The following RNASEH2B variants were observed in gnomAD, a reference collection of about 807,000 sequenced individuals.
The protein encoded by RNASEH2B is ribonuclease H2 subunit B, also known as Aicardi-Goutieres syndrome 2 protein.
Under a neutral mutation model 45.0 loss-of-function variants are expected in RNASEH2B, and 36 were observed. That is an observed-to-expected ratio of 0.80 (90% CI 0.61 to 1.06). The LOEUF (loss-of-function observed/expected upper bound fraction) is 1.06, where lower values mean the gene tolerates loss of function less well. RNASEH2B is among the 50% of genes least tolerant of loss of function. The pLI is 0.00. For synonymous variants in RNASEH2B, 119 were observed against 125.7 expected (o/e 0.95, Z 0.35); for missense variants, 361 against 360.3 (o/e 1.00, Z -0.02).
intron 1 of RNASEH2B, 82 bp downstream of exon 1, chr13:50,910,222 C>A: frequency 1.0e-6 from 1 of 979,830 alleles, no homozygotes; most frequent in Non-Finnish European, 1.4e-6. Flanking sequence ...GCCCCCCACC[C>A]CGGTGGCTCC....
chr13:50,948,990 C>G (rs1359623103), intron 8 of RNASEH2B: 1 of 161,426 alleles, frequency 6.2e-6, no homozygotes, highest in East Asian at 1.8e-4. Context: ...GTATAGATTC[C>G]TTTCTTTCCA....
chr13:50,952,210 C>T (rs1008900410), intron 9 of RNASEH2B: 6 of 152,180 alleles, frequency 3.9e-5, no homozygotes, highest in Non-Finnish European at 8.8e-5. Context: ...TTTATAATGA[C>T]ATCTGTGTTA....
rs376374090 is a variant in RNASEH2B, at chr13:50,915,833, C to A, written c.64+5693C>A. Among the ~76,000 whole-genome samples, 6 of 152,334 alleles carry A rather than the reference C, an allele frequency of 3.9e-5. No homozygotes were observed. In the South Asian group the frequency reaches 8.3e-4, roughly 21 times the overall value. On this transcript the variant is annotated intron_variant, in intron 1 of 10. Transcript: ENST00000336617. ...TTCTAGTCCCTGTTTCATTATCTGTCCCCGAAACAGCTAAGCTGGAGGCTG... is the reference window on the plus strand; with the variant it reads ...TTCTAGTCCCTGTTTCATTATCTGTACCCGAAACAGCTAAGCTGGAGGCTG...
intron 5 of RNASEH2B, 35 bp from the exon 6 acceptor site, chr13:50,943,286 T>A (rs528697643): frequency 4.2e-6 from 5 of 1,193,816 alleles, no homozygotes; most frequent in South Asian, 3.8e-5. Flanking sequence ...ATTTTTTTTT[T>A]AATTCATTGT....
rs764270783 is a variant in RNASEH2B at position 50,927,444 on chromosome 13, G to T, written c.102G>T (p.Gly34=). The part of the protein sequence containing the change: ...LKDASKKMKN[G]LMFVKLVNPC... ...ATGCTTCAAAGAAGATGAAAAATGGGCTAATGTTTGTAAAACTGGTTAACC... is the reference window on the plus strand; with the variant it reads ...ATGCTTCAAAGAAGATGAAAAATGGTCTAATGTTTGTAAAACTGGTTAACC... Residue 34 remains glycine, a synonymous_variant, in exon 2 of 11, where the codon GGG becomes GGT. Coordinates refer to ENST00000336617, the MANE Select transcript of RNASEH2B (RefSeq NM_024570.4). 6.2e-7 allele frequency: 1 copy of T among 1,602,254 alleles called. No homozygotes were observed.
intron 1 of RNASEH2B, among the ~76,000 whole-genome samples, chr13:50,919,440 A>T (rs575219597): frequency 1.3e-5 from 2 of 152,320 alleles, no homozygotes; most frequent in East Asian, 3.9e-4. Context: ...TGTATAGAAT[A>T]TACACAGCTC....
chr13:50,915,401 A>G, intron 1 of RNASEH2B: 1 of 398,436 alleles, frequency 2.5e-6, no homozygotes, highest in Non-Finnish European at 4.4e-6. Context: ...ATTCCTACTT[A>G]TCCTTTAAAC....
downstream of RNASEH2B, chr13:50,960,158 C>T: frequency 8.7e-7 from 1 of 1,151,052 alleles, no homozygotes; most frequent in Non-Finnish European, 1.1e-6. Context: ...GGTCTACCAA[C>T]TGGTCATTTT....
intron 5 of RNASEH2B, chr13:50,943,073 G>T: frequency 2.5e-6 from 1 of 407,292 alleles, no homozygotes. Context: ...CTTTTCTACA[G>T]AGTTGTTTGT....
chr13:50,937,416 G>GGGGTCTC (rs1393211294), intron 5 of RNASEH2B: 1 of 151,766 alleles, frequency 6.6e-6, no homozygotes, highest in Non-Finnish European at 1.5e-5. Flanking sequence ...GAGAGATGAG[G>GGGGTCTC]GGGTCTCTCT....
chr13:50,968,232 CA>C (rs1192991250), intron 9 of RNASEH2B, among the ~76,000 whole-genome samples: 41 of 145,110 alleles, frequency 2.8e-4, no homozygotes, highest in Middle Eastern at 3.5e-3. Context: ...ACTGTTTCTA[CA>C]AAAAAAAAAA....
intron 10 of RNASEH2B, chr13:50,955,134 C>T (rs948818906): frequency 2.0e-5 from 3 of 152,110 alleles, no homozygotes; most frequent in Non-Finnish European, 4.4e-5. Flanking sequence ...GTGTTAAGTA[C>T]AGAAATTGTT....
At chr13:50,929,664 G>C (rs1022375862) in intron 3 of RNASEH2B, 82 bp downstream of exon 3, 1 of 897,162 alleles carries the variant, frequency 1.1e-6, no homozygotes, top group Non-Finnish European at 1.8e-6. Context: ...TTGTGGGTCT[G>C]TCACCGGGTT....
intron 3 of RNASEH2B, among the ~76,000 whole-genome samples, chr13:50,929,909 T>C (rs1234922069): frequency 1.3e-5 from 2 of 152,236 alleles, no homozygotes; most frequent in African/African-American, 2.4e-5. Flanking sequence ...TGAGGATCTT[T>C]GTGTTTTTAA....
chr13:50,942,856 AG>A (rs1458145013), intron 5 of RNASEH2B: 2 of 160,612 alleles, frequency 1.2e-5, no homozygotes, highest in East Asian at 3.7e-4. Context: ...AACAACTCAA[AG>A]TGGGGGTTTC....
chr13:50,970,255 G>A lies in RNASEH2B; in HGVS notation c.*291G>A, dbSNP rs1952208454. 6 of 542,164 alleles carry A rather than the reference G, an allele frequency of 1.1e-5. No homozygotes were observed. In the South Asian group the frequency reaches 1.6e-4, roughly 15 times the overall value. 33.6% of individuals were successfully genotyped at this position (542,164 alleles called of 1,614,324 possible). A position where few individuals can be genotyped will look rare whatever the true frequency, so the allele number is the denominator to read the frequency against. On this transcript the variant is annotated 3_prime_UTR_variant, in exon 10 of 10. Transcript: ENST00000422660. ...CCTCAAGCTTGGGTCAGGCCAGCAT[G>A]TTTTAGGTATGGATGTGGTGACTTA...
intron 1 of RNASEH2B, among the ~76,000 whole-genome samples, chr13:50,926,329 C>G (rs986217834): frequency 2.0e-5 from 3 of 152,066 alleles, no homozygotes; most frequent in Non-Finnish European, 2.9e-5. Flanking sequence ...AGAGTAAAAT[C>G]TCCCTTCTTT....
intron 5 of RNASEH2B, chr13:50,941,515 A>G (rs963250772): frequency 1.9e-4 from 29 of 152,382 alleles, no homozygotes; most frequent in African/African-American, 6.5e-4. Flanking sequence ...GCAAGAAAGA[A>G]GTGAGATGCC....
intron 1 of RNASEH2B, among the ~76,000 whole-genome samples, chr13:50,923,422 G>A (rs1954052571): frequency 6.6e-6 from 1 of 152,100 alleles, no homozygotes; most frequent in Non-Finnish European, 1.5e-5. Context: ...AATCTTGAAA[G>A]CAGTAAAAGA....
Sources: allele counts gnomAD v4.1 joint callset (sites outside exome capture counted in the v4.1 genomes callset), GRCh38; gene constraint gnomAD v4.1.1; transcripts MANE v1.5; gene names NCBI Gene and HGNC (gene_info 2026-07-23, HGNC 2026-07-21).